The following FAM135B variants were observed in gnomAD, a reference collection of about 807,000 sequenced individuals.
FAM135B encodes the protein family with sequence similarity 135 member B, also known as protein FAM135B.
A neutral mutation model predicts 127.7 loss-of-function variants in FAM135B; 43 were observed. That is an observed-to-expected ratio of 0.34 (90% CI 0.26 to 0.43). The LOEUF (loss-of-function observed/expected upper bound fraction) is 0.43. FAM135B is among the 20% of genes least tolerant of loss of function. The probability of loss-of-function intolerance (pLI) is 1.00; values close to 1 mark genes in which losing one functional copy is unlikely to be tolerated. For missense variants in FAM135B, 1,558 were observed against 1,725.6 expected (o/e 0.90, Z 1.72); for synonymous variants, 670 against 665.1 (o/e 1.01, Z -0.11).
At chr8:138,406,647 G>A (rs199957343) in intron 1 of FAM135B, among the ~76,000 whole-genome samples, 2,850 of 151,872 alleles carry the variant, frequency 0.019, 74 homozygotes, top group African/African-American at 0.06. Flanking sequence ...AAACAGAACC[G>A]AAGACAAAAA....
intron 2 of FAM135B, among the ~76,000 whole-genome samples, chr8:138,322,868 T>A (rs1587088626): frequency 6.6e-6 from 1 of 152,110 alleles, no homozygotes; most frequent in African/African-American, 2.4e-5. Context: ...GAGGTGAAAC[T>A]CCGCCCTAGC....
intron 1 of FAM135B, among the ~76,000 whole-genome samples, chr8:138,374,335 A>G (rs1232166889): frequency 6.6e-6 from 1 of 152,222 alleles, no homozygotes; most frequent in African/African-American, 2.4e-5. Context: ...ATGGTAACTA[A>G]TTAAACTGAC....
intron 2 of FAM135B, among the ~76,000 whole-genome samples, chr8:138,336,321 G>A (rs1190700568): frequency 1.3e-5 from 2 of 152,104 alleles, no homozygotes; most frequent in East Asian, 3.9e-4. Context: ...TCCAGGAGCT[G>A]GTTTTTTGAA....
intron 1 of FAM135B, among the ~76,000 whole-genome samples, chr8:138,481,581 A>G (rs1331828842): frequency 6.6e-6 from 1 of 152,246 alleles, no homozygotes; most frequent in Non-Finnish European, 1.5e-5. Flanking sequence ...ATGTTTTAGC[A>G]TAGTCCTGGG....
intron 2 of FAM135B, among the ~76,000 whole-genome samples, chr8:138,345,088 C>T (rs929839143): frequency 6.6e-6 from 1 of 152,174 alleles, no homozygotes; most frequent in African/African-American, 2.4e-5. Context: ...TACTGTTTTA[C>T]TGTTGGATAA....
rs747978632 is a variant in FAM135B at position 138,132,558 on chromosome 8, G to C, written c.*35C>G. The C allele has an allele frequency of 6.4e-7, 1 of 1,558,192 alleles. No individual in the cohort carries two copies. On this transcript the variant is annotated 3_prime_UTR_variant, in exon 20 of 20. Coordinates refer to ENST00000395297, the MANE Select transcript of FAM135B (RefSeq NM_015912.4). This position sits in a 1 kb window ranked among gnomAD's most constrained non-coding sequence, Gnocchi z 4.5. ...TCTCAGCTAAAGCTCTCCACCGATC[G>C]TAAGCATTACCAAAGACCTGCTCCC... is the stretch of plus-strand genomic sequence containing the variant.
chr8:138,143,220 T>C, intron 15 of FAM135B, 111 bp from the exon 16 acceptor site: 1 of 656,888 alleles, frequency 1.5e-6, no homozygotes, highest in Non-Finnish European at 2.8e-6. Context: ...GGGATGTGCC[T>C]ACCTCTGATG....
At chr8:138,158,802 G>C (rs1426970883) in intron 12 of FAM135B, among the ~76,000 whole-genome samples, 2 of 152,182 alleles carry the variant, frequency 1.3e-5, no homozygotes, top group Non-Finnish European at 2.9e-5. Context: ...ACAGGTGCTG[G>C]AGAGGATGTG....
In FAM135B at chr8:138,132,387, G is replaced by A; in HGVS notation, c.*206C>T. On this transcript the variant is annotated 3_prime_UTR_variant, in exon 20 of 20. Transcript: ENST00000395297. The surrounding 1 kb of genome is among the most constrained non-coding windows in gnomAD (Gnocchi z 4.5). ...ACTCCAGGTAACTATACAAATTCAA[G>A]CAAAGTTTGTTGTCATTTAGTCTAT... 1.8e-6 allele frequency: 1 copy of A among 551,124 alleles called. No individual in the cohort carries two copies. The highest frequency in any genetic ancestry group is 3.2e-6 in the Non-Finnish European group (1 of 308,638). 34.1% of individuals were successfully genotyped at this position (551,124 alleles called of 1,614,324 possible).
chr8:138,252,856 G>A (rs923138841), intron 5 of FAM135B, among the ~76,000 whole-genome samples: 3 of 152,154 alleles, frequency 2.0e-5, no homozygotes, highest in South Asian at 2.1e-4. Flanking sequence ...CTGGAGTGCA[G>A]TGGCATAATC....
chr8:138,165,384 T>C (rs6577881), intron 12 of FAM135B, among the ~76,000 whole-genome samples: 102,203 of 151,914 alleles, frequency 0.67, 34,849 homozygotes, highest in East Asian at 0.98. Flanking sequence ...CCTCCCAAAG[T>C]GCAGAGATTA....
intron 12 of FAM135B, among the ~76,000 whole-genome samples, chr8:138,160,604 C>A (rs1368267040): frequency 6.7e-6 from 1 of 149,648 alleles, no homozygotes; most frequent in African/African-American, 2.5e-5. Context: ...CACCATGTTG[C>A]CCAGGCTGGT....
intron 17 of FAM135B, among the ~76,000 whole-genome samples, chr8:138,139,908 G>C (rs1172528372): frequency 6.6e-6 from 1 of 152,214 alleles, no homozygotes; most frequent in Non-Finnish European, 1.5e-5. Flanking sequence ...GCTATGGTAT[G>C]TACATATATT....
At chr8:138,457,052 A>C (rs1471904573) in intron 1 of FAM135B, among the ~76,000 whole-genome samples, 1 of 151,590 alleles carries the variant, frequency 6.6e-6, no homozygotes, top group East Asian at 2.0e-4. Flanking sequence ...TACATGTGGA[A>C]TTAAAAATAT....
intron 7 of FAM135B, among the ~76,000 whole-genome samples, chr8:138,202,140 A>AAAAAAAAAAC (rs1817181743): frequency 6.6e-6 from 1 of 150,634 alleles, no homozygotes; most frequent in Non-Finnish European, 1.5e-5. Flanking sequence ...AAAAAAAAAA[A>AAAAAAAAAAC]GGCACCTCTC....
At chr8:138,490,905 G>A (rs977705634) in intron 1 of FAM135B, among the ~76,000 whole-genome samples, 2 of 152,082 alleles carry the variant, frequency 1.3e-5, no homozygotes, top group Non-Finnish European at 2.9e-5. Context: ...AAATTTGGGG[G>A]GCCGAGGCGG....
chr8:138,172,891 C>T (rs1820588374), intron 11 of FAM135B, among the ~76,000 whole-genome samples: 1 of 152,214 alleles, frequency 6.6e-6, no homozygotes, highest in African/African-American at 2.4e-5. Flanking sequence ...CCCACTCCTC[C>T]CCTACCTCAC....
intron 7 of FAM135B, among the ~76,000 whole-genome samples, chr8:138,240,127 C>T (rs1033588791): frequency 6.6e-6 from 1 of 152,062 alleles, no homozygotes; most frequent in African/African-American, 2.4e-5. Flanking sequence ...TGCACATGTA[C>T]CCTAGAACTT....
intron 11 of FAM135B, among the ~76,000 whole-genome samples, chr8:138,173,694 G>C (rs4243883): frequency 0.71 from 108,430 of 152,202 alleles, 40,337 homozygotes; most frequent in East Asian, 0.98. Flanking sequence ...GACATAGCAT[G>C]TCTTAGAATG....
Sources: allele counts gnomAD v4.1 joint callset (sites outside exome capture counted in the v4.1 genomes callset), GRCh38; gene constraint gnomAD v4.1.1; non-coding constraint Gnocchi (gnomAD v3.1); transcripts MANE v1.5; gene names NCBI Gene and HGNC (gene_info 2026-07-23, HGNC 2026-07-21).